Variants in RPIA observed in about 807,000 individuals in gnomAD.
The protein encoded by RPIA is ribose 5-phosphate isomerase A, also known as ribose-5-phosphate isomerase.
A neutral mutation model predicts 37.8 loss-of-function variants in RPIA; 29 were observed. That is an observed-to-expected ratio of 0.77 (90% CI 0.57 to 1.05). The LOEUF is 1.05. RPIA is among the 50% of genes least tolerant of loss of function. The pLI is 0.00. For missense variants in RPIA, 385 were observed against 413.6 expected (o/e 0.93, Z 0.60); for synonymous variants, 167 against 157.0 (o/e 1.06, Z -0.48).
intron 3 of RPIA, among the ~76,000 whole-genome samples, chr2:88,703,371 A>G (rs111541328): frequency 0.067 from 10,192 of 152,312 alleles, 442 homozygotes; most frequent in Non-Finnish European, 0.094. Flanking sequence ...TCCTGCAGCA[A>G]ACTTCTGCCT....
At chr2:88,695,146 A>G (rs35180597) in intron 1 of RPIA, among the ~76,000 whole-genome samples, 3 of 151,992 alleles carry the variant, frequency 2.0e-5, no homozygotes, top group Non-Finnish European at 4.4e-5. Flanking sequence ...CTCTTCATCC[A>G]TATCCTTCAT....
At chr2:88,744,646 G>A (rs1463421441) in intron 8 of RPIA, among the ~76,000 whole-genome samples, 1 of 152,146 alleles carries the variant, frequency 6.6e-6, no homozygotes, top group African/African-American at 2.4e-5. Flanking sequence ...CTTAGGTCTA[G>A]TAGTAACAGT....
intron 1 of RPIA, 92 bp downstream of exon 1, chr2:88,692,075 CT>C (rs1453407575): frequency 1.4e-6 from 2 of 1,466,738 alleles, no homozygotes; most frequent in Non-Finnish European, 1.8e-6. Context: ...GCGCGCCTAG[CT>C]CCTGGCAGGG....
intron 3 of RPIA, among the ~76,000 whole-genome samples, chr2:88,704,601 G>T (rs971557457): frequency 6.6e-6 from 1 of 152,172 alleles, no homozygotes; most frequent in Non-Finnish European, 1.5e-5. Context: ...TGAGATTTGG[G>T]TGGGGACACA....
chr2:88,724,852 G>A (rs1398639160), intron 3 of RPIA, among the ~76,000 whole-genome samples: 1 of 152,180 alleles, frequency 6.6e-6, no homozygotes, highest in Non-Finnish European at 1.5e-5. Context: ...GTTCTACCTT[G>A]ATTAGGTAGT....
At chr2:88,717,144 A>T (rs542265434) in intron 3 of RPIA, among the ~76,000 whole-genome samples, 12 of 152,278 alleles carry the variant, frequency 7.9e-5, no homozygotes, top group African/African-American at 1.7e-4. Flanking sequence ...AGGCGAGATA[A>T]TTTCTTTATG....
rs150616784 is a variant in RPIA, at chr2:88,716,325, T to C, written c.403-12953T>C. ...TATTGATTGATGTCTCATGTCTCCC[T>C]AAAACGTGTAAAAGCAAGCTGTACC... On this transcript the variant is annotated intron_variant, in intron 3 of 8. Coordinates refer to ENST00000283646, the MANE Select transcript of RPIA (RefSeq NM_144563.3). Among the ~76,000 whole-genome samples, 236 of 152,302 alleles carry C rather than the reference T, an allele frequency of 1.5e-3. 3 individuals are homozygous for C. Among genetic ancestry groups the C allele is most frequent in the African/African-American group, 5.6e-3 (231 of 41,556 alleles).
intron 3 of RPIA, among the ~76,000 whole-genome samples, chr2:88,721,615 C>T (rs1673132473): frequency 7.5e-6 from 1 of 132,944 alleles, no homozygotes; most frequent in Admixed American, 8.2e-5. Flanking sequence ...GCACTATTCA[C>T]AATAGCAAAG....
intron 3 of RPIA, among the ~76,000 whole-genome samples, chr2:88,711,332 CAT>C (rs747896404): frequency 3.9e-5 from 6 of 152,172 alleles, no homozygotes; most frequent in Non-Finnish European, 8.8e-5. Context: ...GTACATGTAA[CAT>C]GTACTTTGGA....
At chr2:88,741,697 C>T (rs1218686821) in intron 8 of RPIA, among the ~76,000 whole-genome samples, 1 of 152,230 alleles carries the variant, frequency 6.6e-6, no homozygotes, top group Non-Finnish European at 1.5e-5. Flanking sequence ...TTCCCACCAG[C>T]AGTGTGAAAG....
At chr2:88,743,209 C>A (rs2104145743) in intron 8 of RPIA, among the ~76,000 whole-genome samples, 1 of 152,050 alleles carries the variant, frequency 6.6e-6, no homozygotes, top group Middle Eastern at 3.4e-3. Context: ...TTAGGTATGT[C>A]CCTTCTATGT....
chr2:88,707,497 C>T (rs1672912214), intron 3 of RPIA, among the ~76,000 whole-genome samples: 1 of 152,138 alleles, frequency 6.6e-6, no homozygotes, highest in Admixed American at 6.5e-5. Flanking sequence ...ATGTTGGGTG[C>T]TCCAAGTTAA....
chr2:88,744,562 T>G (rs1673419998), intron 8 of RPIA, among the ~76,000 whole-genome samples: 1 of 152,246 alleles, frequency 6.6e-6, no homozygotes, highest in African/African-American at 2.4e-5. Flanking sequence ...ACTTTCTGTC[T>G]TGATGACCTG....
At chr2:88,698,379 G>A (rs1672785711) in intron 1 of RPIA, 105 bp from the exon 2 acceptor site, 9 of 965,514 alleles carry the variant, frequency 9.3e-6, no homozygotes, top group South Asian at 3.9e-5. Flanking sequence ...ACCTGTGTTG[G>A]TGGATTGCTG....
chr2:88,721,569 ACACCCC>A lies in RPIA; in HGVS notation c.403-7707_403-7702del, dbSNP rs767305260. 3.5e-3 allele frequency among the ~76,000 whole-genome samples: 321 copies of A among 91,144 alleles called. 8 individuals carry two copies. Among genetic ancestry groups the A allele is most frequent in the African/African-American group, 0.011 (287 of 25,610 alleles). 59.8% of individuals were successfully genotyped at this position (91,144 alleles called of 152,430 possible). A position where few individuals can be genotyped will look rare whatever the true frequency, so the allele number is the denominator to read the frequency against. ...TACACACACACACACACACACACACACACCCCCCCCCCCACATGCACACATGTTTTT... is the reference window on the plus strand; with the variant it reads ...TACACACACACACACACACACACACACCCCCCCACATGCACACATGTTTTT... On this transcript the variant is annotated intron_variant, in intron 3 of 8. Transcript: ENST00000283646.
chr2:88,744,733 G>A (rs772408853), intron 8 of RPIA, among the ~76,000 whole-genome samples: 9 of 152,078 alleles, frequency 5.9e-5, no homozygotes, highest in Non-Finnish European at 1.0e-4. Context: ...ACTAATCCTT[G>A]TATCATTATA....
chr2:88,715,039 A>T (rs150093593), intron 3 of RPIA, among the ~76,000 whole-genome samples: 16 of 152,364 alleles, frequency 1.1e-4, no homozygotes, highest in Non-Finnish European at 1.9e-4. Flanking sequence ...TACTGTAACC[A>T]CACAATAGGT....
chr2:88,746,178 A>C (rs1391051358), intron 8 of RPIA, among the ~76,000 whole-genome samples: 1 of 150,234 alleles, frequency 6.7e-6, no homozygotes, highest in Non-Finnish European at 1.5e-5. Flanking sequence ...AGTCCTTTTA[A>C]ATTTTCTTTA....
Position 88,691,885 on chromosome 2 carries a change from G to A in RPIA, c.187G>A (p.Gly63Arg), listed in dbSNP as rs1426228228. The change falls in exon 1 of 9, where the codon GGG becomes AGG. Residue 63 changes from glycine to arginine, a missense_variant. By Grantham distance (125) the Gly-to-Arg change is moderately radical (BLOSUM62 -2). Coordinates refer to ENST00000283646, the MANE Select transcript of RPIA (RefSeq NM_144563.3). ...GGAGNTSTSC[G>R]DSNSICPAPS... is the part of the protein sequence containing the mutation. ...TGCTGGCAACACAAGCACCAGCTGC[G>A]GGGACTCCAACAGCATCTGCCCGGC... The A allele has an allele frequency of 2.5e-6, 4 of 1,596,410 alleles. 1 individual carries two copies. Among genetic ancestry groups the A allele is most frequent in the Non-Finnish European group, 3.4e-6 (4 of 1,172,726 alleles).
Sources: allele counts gnomAD v4.1 joint callset (sites outside exome capture counted in the v4.1 genomes callset), GRCh38; gene constraint gnomAD v4.1.1; transcripts MANE v1.5; gene names NCBI Gene and HGNC (gene_info 2026-07-23, HGNC 2026-07-21).